The following EPS15L1 variants were observed in gnomAD, a reference collection of about 807,000 sequenced individuals.
EPS15L1 encodes the protein epidermal growth factor receptor substrate 15-like 1.
EPS15L1 carries 43 observed loss-of-function variants against 117.1 expected under a neutral mutation model. The observed-to-expected ratio is 0.37, with a 90% CI of 0.29 to 0.47. EPS15L1 has a LOEUF of 0.47. Ranked by LOEUF, EPS15L1 falls within the 20% of genes least tolerant of loss-of-function variation. The pLI is 0.99. For missense variants in EPS15L1, 981 were observed against 1,164.0 expected (o/e 0.84, Z 2.29); for synonymous variants, 459 against 470.5 (o/e 0.98, Z 0.32).
Position 16,361,901 on chromosome 19 carries a change from C to T in EPS15L1, c.2464G>A (p.Gly822Ser), listed in dbSNP as rs1254055836. 3 of 1,614,048 alleles carry T rather than the reference C, an allele frequency of 1.9e-6. No homozygotes were observed. The highest frequency in any genetic ancestry group is 2.5e-6 in the Non-Finnish European group (3 of 1,180,020). Residue 822 changes from glycine (G) to serine (S), a missense_variant, in exon 23 of 24, where the codon GGC (glycine) becomes AGC (serine). Around this residue, in one of 5 missense-constraint regions of EPS15L1, gnomAD observed 819 missense variants for 949.0 expected, o/e 0.86. Coordinates refer to ENST00000455140, the MANE Select transcript of EPS15L1 (RefSeq NM_001258374.3). ...CCCTTTTTACTTTGGAACGGGTCGC[C>T]GCTGTCAGCCCCGAGTGGCTGGAAT... ...DPFQPLGADSGDPFQSKKGFG... is the reference protein window; with the variant it reads ...DPFQPLGADSSDPFQSKKGFG...
intron 22 of EPS15L1, among the ~76,000 whole-genome samples, chr19:16,369,095 C>G (rs759642029): frequency 4.6e-5 from 7 of 152,162 alleles, no homozygotes; most frequent in Non-Finnish European, 1.0e-4. Flanking sequence ...CCCCAACACA[C>G]GTCAACGTCT....
At position 16,440,863 on chromosome 19, in the gene EPS15L1, T is replaced by C; in HGVS notation, c.212A>G (p.Gln71Arg). 6.2e-7 allele frequency: 1 copy of C among 1,614,102 alleles called. No homozygotes were observed. Among genetic ancestry groups the C allele is most frequent in the Non-Finnish European group, 8.5e-7 (1 of 1,179,968 alleles). Reference protein sequence around the residue: ...DPEGKGFLDKQGFYVALRLVA... With the variant: ...DPEGKGFLDKRGFYVALRLVA... The stretch of plus-strand genomic sequence containing the variant: ...TGCTCTGTGTACATGTGTATATACC[T>C]GTTTGTCCAAGAACCCTTTACCTTC... The change falls in exon 4 of 24, where the codon CAG becomes CGG. Residue 71 changes from glutamine to arginine, a missense_variant and splice_region_variant. Transcript: ENST00000455140.
intron 7 of EPS15L1, among the ~76,000 whole-genome samples, chr19:16,432,729 C>T (rs1362643640): frequency 6.6e-6 from 1 of 152,014 alleles, no homozygotes; most frequent in Non-Finnish European, 1.5e-5. Context: ...TGAGATCATG[C>T]CACTGCACTC....
At chr19:16,465,493 G>A (rs1428321089) in intron 1 of EPS15L1, among the ~76,000 whole-genome samples, 3 of 152,000 alleles carry the variant, frequency 2.0e-5, no homozygotes, top group Non-Finnish European at 2.9e-5. Context: ...AACCAGCCTG[G>A]GCAACATAGC....
intron 23 of EPS15L1, among the ~76,000 whole-genome samples, chr19:16,359,341 C>T (rs1046126326): frequency 6.6e-6 from 1 of 152,212 alleles, no homozygotes; most frequent in Admixed American, 6.5e-5. Context: ...ACCAGCTGAT[C>T]GGCTGAGCCC....
At chr19:16,384,994 C>T in intron 21 of EPS15L1, 135 bp downstream of exon 21, 1 of 753,360 alleles carries the variant, frequency 1.3e-6, no homozygotes, top group Non-Finnish European at 2.3e-6. Context: ...GGATGCTTTC[C>T]AGACCTGACC....
At chr19:16,433,155 T>C (rs546509507) in intron 7 of EPS15L1, among the ~76,000 whole-genome samples, 1 of 143,492 alleles carries the variant, frequency 7.0e-6, no homozygotes, top group Non-Finnish European at 1.5e-5. Context: ...TGAGACAGAG[T>C]CTCGCTCTGT....
At chr19:16,416,160 G>A (rs2092755579) in intron 12 of EPS15L1, among the ~76,000 whole-genome samples, 1 of 152,190 alleles carries the variant, frequency 6.6e-6, no homozygotes, top group Admixed American at 6.5e-5. Context: ...TACTGCACCT[G>A]TTAATATGAC....
At chr19:16,430,774 C>T (rs16981267) in intron 7 of EPS15L1, among the ~76,000 whole-genome samples, 1,990 of 152,240 alleles carry the variant, frequency 0.013, 37 homozygotes, top group African/African-American at 0.045. Context: ...CAAGTGCGCA[C>T]GGATGAATGT....
Position 16,413,810 on chromosome 19 carries a change from T to G in EPS15L1, c.1229A>C (p.Lys410Thr), listed in dbSNP as rs1384955044. The G allele has an allele frequency of 1.2e-6, 2 of 1,613,598 alleles. No individual in the cohort carries two copies. The highest frequency in any genetic ancestry group is 1.7e-6 in the Non-Finnish European group (2 of 1,179,630). The stretch of plus-strand genomic sequence containing the variant: ...GGTTTTCTGTCTGATTGCCTCTTCC[T>G]TTTCTCGAATGTCTTGTTCCAGTGA... The part of the protein sequence containing the change: ...KYSLEQDIRE[K>T]EEAIRQKTSE... The change falls in exon 13 of 24, where the codon AAG (lysine) becomes ACG (threonine). Residue 410 changes from lysine to threonine, a missense_variant. Physicochemically the swap from Lys to Thr is moderately conservative, Grantham distance 78. This residue lies in a region of EPS15L1 where 819 missense variants were observed against 949.0 expected (regional missense o/e 0.86). Transcript: ENST00000455140.
At chr19:16,451,620 C>G (rs1315612260) in intron 1 of EPS15L1, among the ~76,000 whole-genome samples, 1 of 151,610 alleles carries the variant, frequency 6.6e-6, no homozygotes, top group African/African-American at 2.4e-5. Flanking sequence ...GCTCCACCTC[C>G]CGGGTTCACG....
intron 19 of EPS15L1, among the ~76,000 whole-genome samples, chr19:16,389,019 C>T (rs917152941): frequency 2.0e-5 from 3 of 151,990 alleles, no homozygotes; most frequent in Non-Finnish European, 2.9e-5. Flanking sequence ...GAGGACGAGG[C>T]GGGCAGATCA....
At chr19:16,455,771 C>T (rs775681886) in intron 1 of EPS15L1, among the ~76,000 whole-genome samples, 3 of 152,174 alleles carry the variant, frequency 2.0e-5, no homozygotes, top group East Asian at 1.9e-4. Context: ...TGTCAATCAC[C>T]GGCTGTTGTG....
At chr19:16,401,410 C>T (rs1318450324) in intron 16 of EPS15L1, 1 of 985,378 alleles carries the variant, frequency 1.0e-6, no homozygotes, top group Admixed American at 6.2e-5. Context: ...GAAGAGGAAT[C>T]CATGACGTAC....
chr19:16,462,418 TG>T (rs1244509564), intron 1 of EPS15L1, among the ~76,000 whole-genome samples: 1 of 152,072 alleles, frequency 6.6e-6, no homozygotes, highest in South Asian at 2.1e-4. Context: ...CCCAGCACTT[TG>T]GGGGGCCAAG....
chr19:16,378,659 G>A (rs540859565), intron 21 of EPS15L1, among the ~76,000 whole-genome samples: 4 of 152,234 alleles, frequency 2.6e-5, no homozygotes, highest in Admixed American at 2.0e-4. Context: ...GATACTAAGC[G>A]CCGCCACCTG....
intron 13 of EPS15L1, among the ~76,000 whole-genome samples, chr19:16,408,104 A>G (rs2092673877): frequency 6.6e-6 from 1 of 152,248 alleles, no homozygotes; most frequent in African/African-American, 2.4e-5. Context: ...GTAGCTCTGG[A>G]CACCAGGTAA....
chr19:16,391,805 G>A (rs925875152), intron 19 of EPS15L1, among the ~76,000 whole-genome samples: 3 of 152,032 alleles, frequency 2.0e-5, no homozygotes, highest in Non-Finnish European at 4.4e-5. Context: ...CAAGGCAGCC[G>A]GGCTGAGACG....
At chr19:16,396,813 G>T (rs1020453737) in intron 16 of EPS15L1, among the ~76,000 whole-genome samples, 4 of 152,180 alleles carry the variant, frequency 2.6e-5, no homozygotes, top group African/African-American at 9.7e-5. Context: ...CAACATGGAA[G>T]AACCTTGAGG....
Sources: allele counts gnomAD v4.1 joint callset (sites outside exome capture counted in the v4.1 genomes callset), GRCh38; gene constraint gnomAD v4.1.1; regional missense constraint gnomAD v4.1.1; transcripts MANE v1.5; gene names NCBI Gene and HGNC (gene_info 2026-07-23, HGNC 2026-07-21).